Variants in ACADVL observed in about 807,000 individuals in gnomAD.
The protein encoded by ACADVL is very long-chain acyl-CoA dehydrogenase, mitochondrial.
ACADVL carries 73 observed loss-of-function variants against 80.4 expected under a neutral mutation model. The observed-to-expected ratio is 0.91, with a 90% confidence interval of 0.75 to 1.10. The LOEUF (loss-of-function observed/expected upper bound fraction) is 1.10, where lower values mean the gene tolerates loss of function less well. Ranked by LOEUF, ACADVL falls within the 50% of genes least tolerant of loss-of-function variation. The pLI, the probability that ACADVL is intolerant of heterozygous loss-of-function variation, is 0.00. For missense variants in ACADVL, 878 were observed against 858.9 expected (o/e 1.02, Z -0.28); for synonymous variants, 392 against 326.5 (o/e 1.20, Z -2.16).
At chr17:7,219,446 A>T, upstream of ACADVL, 1 of 1,023,972 alleles carries the variant, frequency 9.8e-7, no homozygotes, top group Non-Finnish European at 1.2e-6. Context: ...TGAATGGCCT[A>T]CATCTCAGAA....
rs142745084 is a variant in ACADVL at position 7,220,521 on chromosome 17, G to A, written c.196G>A (p.Ala66Thr). 5.0e-6 allele frequency: 8 copies of A among 1,614,180 alleles called. No homozygotes were observed. The African/African-American group carries it at 8.0e-5, about 16-fold the overall frequency. Residue 66 changes from alanine to threonine, a missense_variant, in exon 3 of 20, where the codon GCC becomes ACC. By Grantham distance (58) the Ala-to-Thr change is moderately conservative. Transcript: ENST00000356839. The part of the protein sequence containing the change: ...PSDALTRKKP[A>T]KAESKSFAVG... Reference sequence around the variant, plus strand: ...TGACGCTCTGACCAGGAAAAAACCGGCCAAGGCGGTAGGTAGCCCCGAGGC... The same window carrying A: ...TGACGCTCTGACCAGGAAAAAACCGACCAAGGCGGTAGGTAGCCCCGAGGC...
rs374535729 is a variant in ACADVL, at chr17:7,220,444, C to T, written c.139-20C>T. The T allele has an allele frequency of 6.9e-5, 112 of 1,614,056 alleles. No homozygotes were observed. Among genetic ancestry groups the T allele is most frequent in the Non-Finnish European group, 9.0e-5 (106 of 1,180,004 alleles). On this transcript the variant is annotated intron_variant, in intron 2 of 19. Transcript: ENST00000356839. ...AGCGGAAGTCCCTTCCCTGAACTTGCTAACCGTCTCTTTTCCCAGCTGGCT... is the reference window on the plus strand; with the variant it reads ...AGCGGAAGTCCCTTCCCTGAACTTGTTAACCGTCTCTTTTCCCAGCTGGCT...
chr17:7,221,850 C>T, intron 7 of ACADVL, 102 bp from the exon 8 acceptor site: 6 of 1,599,058 alleles, frequency 3.8e-6, no homozygotes, highest in Non-Finnish European at 5.1e-6. Flanking sequence ...TGGATACTCC[C>T]AGGTGTTAAG....
chr17:7,219,791 A>G, upstream of ACADVL: 2 of 1,505,784 alleles, frequency 1.3e-6, no homozygotes, highest in Admixed American at 4.2e-5. Flanking sequence ...ACGCTTGGAG[A>G]TCCCTCTAAG....
rs749513692 is a variant in ACADVL at position 7,225,037 on chromosome 17, C to T, written c.1908C>T (p.Ser636=). ...AAGAGCTCTACCGCAACTTCAAAAG[C>T]ATCTCCAAGGCCTTGGTGGAGCGGG... ...WQQELYRNFK[S]ISKALVERGG... Residue 636 remains serine, a synonymous_variant, in exon 20 of 20, where the codon AGC becomes AGT. Coordinates refer to ENST00000356839, the MANE Select transcript of ACADVL (RefSeq NM_000018.4). 7.4e-6 allele frequency: 12 copies of T among 1,614,046 alleles called. No individual in the cohort carries two copies. Among genetic ancestry groups the T allele is most frequent in the Admixed American group, 5.0e-5 (3 of 60,010 alleles).
At chr17:7,217,661 A>G, upstream of ACADVL, 2 of 1,167,020 alleles carry the variant, frequency 1.7e-6, no homozygotes, top group Non-Finnish European at 2.3e-6. Flanking sequence ...GGAGGGAGCT[A>G]GGAGCCAGAA....
chr17:7,217,285 GA>G (rs1274709888), upstream of ACADVL: 32 of 1,048,932 alleles, frequency 3.1e-5, no homozygotes, highest in Admixed American at 4.7e-5. Context: ...GGAGGGGTGA[GA>G]GGGGAAGGAG....
rs2071157517 is a variant in ACADVL, at chr17:7,220,635, A to G, written c.236A>G (p.Lys79Arg). ...AAGTCCTTTGCTGTGGGAATGTTCAAAGGCCAGCTCACCACAGATCAGGTG... is the reference window on the plus strand; with the variant it reads ...AAGTCCTTTGCTGTGGGAATGTTCAGAGGCCAGCTCACCACAGATCAGGTG... ...ESKSFAVGMF[K>R]GQLTTDQVFP... Residue 79 changes from lysine to arginine, a missense_variant, in exon 4 of 20, where the codon AAA becomes AGA. Transcript: ENST00000356839. 6.2e-7 allele frequency: 1 copy of G among 1,614,170 alleles called. No individual in the cohort carries two copies. The highest frequency in any genetic ancestry group is 8.5e-7 in the Non-Finnish European group (1 of 1,180,024).
chr17:7,225,218 C>G lies in ACADVL; in HGVS notation c.*121C>G. ...TAGTGTTCCCAGCACTGTGCCTGCT[C>G]TCAAGAGCACTTACTGCCTCGCAAA... On this transcript the variant is annotated 3_prime_UTR_variant, in exon 20 of 20. Coordinates refer to ENST00000356839, the MANE Select transcript of ACADVL (RefSeq NM_000018.4). 1 of 1,344,566 alleles carries G rather than the reference C, an allele frequency of 7.4e-7. No homozygotes were observed. The highest frequency in any genetic ancestry group is 1.0e-6 in the Non-Finnish European group (1 of 954,704). The allele number at this position is 1,344,566 out of a possible 1,614,324, so 83.3% of individuals were successfully genotyped here.
chr17:7,225,049 C>T lies in ACADVL; in HGVS notation c.1920C>T (p.Ala640=). 6.2e-7 allele frequency: 1 copy of T among 1,614,112 alleles called. No individual in the cohort carries two copies. Among genetic ancestry groups the T allele is most frequent in the East Asian group, 2.2e-5 (1 of 44,878 alleles). Residue 640 remains alanine, a synonymous_variant, in exon 20 of 20, where the codon GCC becomes GCT. Transcript: ENST00000356839. ...LYRNFKSISK[A]LVERGGVVTS... is the part of the protein sequence containing the mutation. ...GCAACTTCAAAAGCATCTCCAAGGCCTTGGTGGAGCGGGGTGGTGTGGTCA... is the reference window on the plus strand; with the variant it reads ...GCAACTTCAAAAGCATCTCCAAGGCTTTGGTGGAGCGGGGTGGTGTGGTCA...
intron 9 of ACADVL, 62 bp from the exon 10 acceptor site, chr17:7,222,605 G>C: frequency 1.3e-6 from 2 of 1,508,654 alleles, no homozygotes; most frequent in Admixed American, 3.8e-5. Context: ...CGAAGGAGCA[G>C]TTTTTCCCCC....
intron 11 of ACADVL, 42 bp downstream of exon 11, chr17:7,223,279 T>C (rs1169957922): frequency 1.3e-6 from 2 of 1,558,712 alleles, no homozygotes; most frequent in Non-Finnish European, 1.8e-6. Context: ...CCCTGGGGCT[T>C]TCTTCCCAGT....
In ACADVL at chr17:7,223,637, A is replaced by G. The variant is rs750441118; in HGVS notation, c.1183-7A>G. The G allele has an allele frequency of 1.9e-6, 3 of 1,614,042 alleles. No homozygotes were observed. The highest frequency in any genetic ancestry group is 2.5e-6 in the Non-Finnish European group (3 of 1,180,000). The stretch of plus-strand genomic sequence containing the variant: ...TTCCTTCCCATGTCCCAACTATGCA[A>G]CCTCAGTCCATGGCTTACATGGTGA... On this transcript the variant is annotated splice_region_variant and splice_polypyrimidine_tract_variant and intron_variant, in intron 11 of 19. Transcript: ENST00000356839.
chr17:7,222,872 AC>A lies in ACADVL; in HGVS notation c.1077+10del. ...AGGCATCATTGCTAAGGCGGTGAGT[AC>A]CCTGCCCGAGTCCCTAGGTAACCCA... is the stretch of plus-strand genomic sequence containing the variant. On this transcript the variant is annotated splice_region_variant and intron_variant, in intron 10 of 19. Coordinates refer to ENST00000356839, the MANE Select transcript of ACADVL (RefSeq NM_000018.4). 1 of 1,610,166 alleles carries A rather than the reference AC, an allele frequency of 6.2e-7. No individual in the cohort carries two copies. Among genetic ancestry groups the A allele is most frequent in the South Asian group, 1.1e-5 (1 of 90,986 alleles).
intron 6 of ACADVL, 161 bp from the exon 7 acceptor site, chr17:7,221,377 C>T (rs1240705285): frequency 3.1e-6 from 4 of 1,293,988 alleles, no homozygotes; most frequent in African/African-American, 2.9e-5. Context: ...GCCCTTTGCA[C>T]ACCCCACTTC....
At position 7,221,044 on chromosome 17, in the gene ACADVL, C is replaced by T. The variant is rs1299324717; in HGVS notation, c.463C>T (p.Leu155Phe). 1 of 1,613,726 alleles carries T rather than the reference C, an allele frequency of 6.2e-7. No homozygotes were observed. Among genetic ancestry groups the T allele is most frequent in the Non-Finnish European group, 8.5e-7 (1 of 1,180,030 alleles). Residue 155 changes from leucine (L) to phenylalanine (F), a missense_variant, in exon 6 of 20, where the codon CTT becomes TTT. Physicochemically the swap from Leu to Phe is conservative, Grantham distance 22 (BLOSUM62 0). Coordinates refer to ENST00000356839, the MANE Select transcript of ACADVL (RefSeq NM_000018.4). Reference sequence around the variant, plus strand: ...GCCCAGTGAGCTGGGTGGTGTGGGCCTTTGCAACACCCAGGTGAGGGCGCC... The same window carrying T: ...GCCCAGTGAGCTGGGTGGTGTGGGCTTTTGCAACACCCAGGTGAGGGCGCC... ...QVPSELGGVGLCNTQYARLVE... is the reference protein window; with the variant it reads ...QVPSELGGVGFCNTQYARLVE...
intron 2 of ACADVL, 65 bp downstream of exon 2, chr17:7,220,262 G>GC: frequency 6.6e-7 from 1 of 1,507,322 alleles, no homozygotes; most frequent in Non-Finnish European, 8.9e-7. Context: ...CCCGCCATCG[G>GC]CAGGGATCTC....
chr17:7,217,924 GGT>G, upstream of ACADVL: 2 of 1,115,634 alleles, frequency 1.8e-6, no homozygotes, highest in Non-Finnish European at 2.6e-6. Flanking sequence ...TAGGGGGTCG[GGT>G]GTGAGGGAGG....
intron 11 of ACADVL, 117 bp from the exon 12 acceptor site, chr17:7,223,527 T>C: frequency 8.9e-7 from 1 of 1,123,100 alleles, no homozygotes; most frequent in Non-Finnish European, 1.4e-6. Flanking sequence ...CCAGAACAAG[T>C]ATCTGCCTGA....
Sources: allele counts gnomAD v4.1 joint callset, GRCh38; gene constraint gnomAD v4.1.1; transcripts MANE v1.5; gene names NCBI Gene and HGNC (gene_info 2026-07-23, HGNC 2026-07-21).